SLC35A3: variants seen among roughly 807,000 people sequenced by gnomAD.
The protein encoded by SLC35A3 is solute carrier family 35 member A3.
A neutral mutation model predicts 39.0 loss-of-function variants in SLC35A3; 26 were observed. The ratio of observed to expected loss-of-function variants is 0.67; its 90% CI spans 0.49 to 0.92. SLC35A3 has a LOEUF of 0.92. SLC35A3 is among the 40% of genes least tolerant of loss of function. The pLI is 0.00. For synonymous variants in SLC35A3, 135 were observed against 133.1 expected (o/e 1.01, Z -0.10); for missense variants, 299 against 371.6 (o/e 0.80, Z 1.61).
chr1:99,974,694 G>C (rs1310639250), intron 1 of SLC35A3, among the ~76,000 whole-genome samples: 1 of 152,074 alleles, frequency 6.6e-6, no homozygotes, highest in Admixed American at 6.6e-5. Context: ...GTTCATGTCT[G>C]AGCTCTGACA....
At chr1:100,014,401 T>C (rs1659909595) in intron 5 of SLC35A3, among the ~76,000 whole-genome samples, 2 of 152,072 alleles carry the variant, frequency 1.3e-5, no homozygotes, top group African/African-American at 4.8e-5. Context: ...AAAAATTTTT[T>C]TGTAGAGATG....
chr1:100,019,219 A>G (rs1660363204), intron 7 of SLC35A3, among the ~76,000 whole-genome samples: 1 of 151,926 alleles, frequency 6.6e-6, no homozygotes, highest in Non-Finnish European at 1.5e-5. Flanking sequence ...TGAATTATGC[A>G]GAGAATAAAC....
At position 100,026,911 on chromosome 1, in the gene SLC35A3, G is replaced by A; in HGVS notation, c.*4435G>A. 5 of 325,864 alleles carry A rather than the reference G, an allele frequency of 1.5e-5. No individual in the cohort carries two copies. The highest frequency in any genetic ancestry group is 8.2e-4 in the Middle Eastern group (1 of 1,218). The allele number at this position is 325,864 out of a possible 1,614,324, so 20.2% of individuals were successfully genotyped here. A position where few individuals can be genotyped will look rare whatever the true frequency, so the allele number is the denominator to read the frequency against. ...TGATAAACTTCTCTTGTCATTTTTT[G>A]GTATCCAGCTATTACCTATTTAATA... On this transcript the variant is annotated 3_prime_UTR_variant, in exon 8 of 8. Transcript: ENST00000533028.
At chr1:100,011,709 T>G (rs1659658645) in intron 5 of SLC35A3, among the ~76,000 whole-genome samples, 176 bp downstream of exon 5, 1 of 135,224 alleles carries the variant, frequency 7.4e-6, no homozygotes. Context: ...TTTATTTATT[T>G]ATTTATTTAT....
chr1:100,012,464 C>G (rs955386497), intron 5 of SLC35A3, among the ~76,000 whole-genome samples: 1 of 152,086 alleles, frequency 6.6e-6, no homozygotes, highest in African/African-American at 2.4e-5. Context: ...AAAATGATAA[C>G]AGACTTAATG....
intron 4 of SLC35A3, among the ~76,000 whole-genome samples, chr1:100,010,596 G>A (rs978109440): frequency 2.0e-5 from 3 of 152,150 alleles, no homozygotes; most frequent in African/African-American, 7.2e-5. Context: ...GGGAGGCTAA[G>A]GTGGATCACC....
At chr1:99,977,576 A>AAGGG (rs1231254248) in intron 1 of SLC35A3, among the ~76,000 whole-genome samples, 1 of 93,032 alleles carries the variant, frequency 1.1e-5, no homozygotes, top group Non-Finnish European at 2.1e-5. Flanking sequence ...GGGAGGGAGG[A>AAGGG]AGGGAGGGAG....
chr1:99,992,542 G>C (rs1658152702), intron 1 of SLC35A3, among the ~76,000 whole-genome samples: 1 of 152,130 alleles, frequency 6.6e-6, no homozygotes, highest in Non-Finnish European at 1.5e-5. Flanking sequence ...GGGAAGCTGG[G>C]TGAAGGGTAC....
intron 2 of SLC35A3, among the ~76,000 whole-genome samples, chr1:99,996,647 A>G (rs1342799190): frequency 6.6e-6 from 1 of 152,186 alleles, no homozygotes; most frequent in Non-Finnish European, 1.5e-5. Context: ...CTGAGGCAGG[A>G]GGATTGCTTA....
rs529081604 is a variant in SLC35A3, at chr1:99,999,805, C to CG, written c.342+391dup. ...GCTCTCTACCTCCATGAGATCCCCC[C>CG]GCTCCCTTTTTTTTTTTAGCTTCCA... On this transcript the variant is annotated intron_variant, in intron 3 of 7. Coordinates refer to ENST00000533028, the MANE Select transcript of SLC35A3 (RefSeq NM_012243.3). Among the ~76,000 whole-genome samples the CG allele has an allele frequency of 7.2e-3, 1,087 of 151,756 alleles. 8 individuals are homozygous for CG. The highest frequency in any genetic ancestry group is 0.025 in the African/African-American group (1,046 of 41,446).
intron 7 of SLC35A3, among the ~76,000 whole-genome samples, chr1:100,020,197 A>AT (rs890964800): frequency 2.5e-4 from 37 of 149,400 alleles, no homozygotes; most frequent in Admixed American, 4.0e-4. Context: ...TTTTATCCTA[A>AT]TTTTTTTTTT....
Position 99,999,366 on chromosome 1 carries a change from A to C in SLC35A3, c.293A>C (p.Asn98Thr). Residue 98 changes from asparagine (N) to threonine (T), a missense_variant, in exon 3 of 8, where the codon AAT (asparagine) becomes ACT (threonine). By Grantham distance (65) the Asn-to-Thr change is moderately conservative. Coordinates refer to ENST00000533028, the MANE Select transcript of SLC35A3 (RefSeq NM_012243.3). ...CCATCAGGGATCTATACTCTTCAGA[A>C]TAATTTACTGTATGTGGCACTATCA... The part of the protein sequence containing the change: ...AIPSGIYTLQ[N>T]NLLYVALSNL... The C allele has an allele frequency of 6.3e-7, 1 of 1,597,584 alleles. No individual in the cohort carries two copies. Among genetic ancestry groups the C allele is most frequent in the African/African-American group, 1.3e-5 (1 of 74,390 alleles).
rs565662 is a variant in SLC35A3, at chr1:100,035,346, C to T, written c.*12870C>T. 8,953 of 152,210 alleles carry T rather than the reference C, an allele frequency of 0.059. 343 individuals carry two copies. The highest frequency in any genetic ancestry group is 0.1 in the African/African-American group (4,328 of 41,498). The allele number at this position is 152,210 out of a possible 1,614,324, so 9.4% of individuals were successfully genotyped here. On this transcript the variant is annotated 3_prime_UTR_variant, in exon 8 of 8. Coordinates refer to ENST00000533028, the MANE Select transcript of SLC35A3 (RefSeq NM_012243.3). ...TACTGAGGGCCAGCTGTATTCACAA[C>T]CCAAATCACATACAAAGCGACAAGT...
chr1:100,016,146 T>C (rs141710575), intron 6 of SLC35A3, among the ~76,000 whole-genome samples: 1,999 of 145,742 alleles, frequency 0.014, 16 homozygotes, highest in Middle Eastern at 0.06. Flanking sequence ...CTCACTGTAA[T>C]CTCCACCTCC....
At chr1:100,000,089 A>G (rs1256371546) in intron 3 of SLC35A3, among the ~76,000 whole-genome samples, 1 of 152,154 alleles carries the variant, frequency 6.6e-6, no homozygotes, top group Non-Finnish European at 1.5e-5. Context: ...CCTTTGGATA[A>G]ATACCCAGTA....
intron 3 of SLC35A3, 94 bp downstream of exon 3, chr1:99,999,509 C>A: frequency 1.4e-6 from 1 of 716,534 alleles, no homozygotes; most frequent in Non-Finnish European, 2.2e-6. Flanking sequence ...TATTTTGATA[C>A]ATGCATCCAA....
rs141288340 is a variant in SLC35A3, at chr1:100,021,127, C to T, written c.888-1259C>T. Among the ~76,000 whole-genome samples, 22 of 152,118 alleles carry T rather than the reference C, an allele frequency of 1.4e-4. No homozygotes were observed. In the East Asian group the frequency reaches 3.7e-3, roughly 25 times the overall value. ...AAAGTTAAGATTGCACTTTGGGAGG[C>T]GGAGGTGGGCAGATCACTTGAGGTT... On this transcript the variant is annotated intron_variant, in intron 7 of 7. Coordinates refer to ENST00000533028, the MANE Select transcript of SLC35A3 (RefSeq NM_012243.3).
chr1:100,013,281 G>A (rs1659809324), intron 5 of SLC35A3, among the ~76,000 whole-genome samples: 1 of 151,306 alleles, frequency 6.6e-6, no homozygotes. Flanking sequence ...GGAGTTTTGA[G>A]ACCTGAGCAA....
At position 100,027,004 on chromosome 1, in the gene SLC35A3, C is replaced by G. The variant is rs980843441; in HGVS notation, c.*4528C>G. 2 of 393,310 alleles carry G rather than the reference C, an allele frequency of 5.1e-6. No individual in the cohort carries two copies. The highest frequency in any genetic ancestry group is 8.9e-5 in the Admixed American group (2 of 22,568). 24.4% of individuals were successfully genotyped at this position (393,310 alleles called of 1,614,324 possible). ...ATCTTTTTCTATATTTCCTTATTTT[C>G]CTATTTACCTGTGTCTATGACCTAA... On this transcript the variant is annotated 3_prime_UTR_variant, in exon 8 of 8. Coordinates refer to ENST00000533028, the MANE Select transcript of SLC35A3 (RefSeq NM_012243.3).
Sources: gnomAD v4.1 joint callset for allele counts (sites outside exome capture counted in the v4.1 genomes callset) on GRCh38, gnomAD v4.1.1 for gene constraint, MANE v1.5 for transcripts, NCBI Gene and HGNC (gene_info 2026-07-23, HGNC 2026-07-21) for gene names.